The following PDE4D variants were observed in gnomAD, a reference collection of about 807,000 sequenced individuals.
The protein encoded by PDE4D is phosphodiesterase 4D.
PDE4D carries 24 observed loss-of-function variants against 87.4 expected under a neutral mutation model. The ratio of observed to expected loss-of-function variants is 0.27; its 90% confidence interval spans 0.20 to 0.39. The LOEUF (loss-of-function observed/expected upper bound fraction) is 0.39. Among genes scored for constraint, PDE4D ranks in the 10% least tolerant of loss-of-function variants. The pLI is 1.00. For missense variants in PDE4D, 714 were observed against 1,041.0 expected (o/e 0.69, Z 4.32); for synonymous variants, 384 against 383.2 (o/e 1.00, Z -0.02).
intron 1 of PDE4D, among the ~76,000 whole-genome samples, chr5:59,494,879 A>C (rs1271977334): frequency 6.6e-6 from 1 of 152,222 alleles, no homozygotes; most frequent in Non-Finnish European, 1.5e-5. Flanking sequence ...GAGTGTTGGA[A>C]TAAATGGATG....
intron 1 of PDE4D, among the ~76,000 whole-genome samples, chr5:60,210,924 G>A (rs16877765): frequency 0.023 from 3,524 of 152,244 alleles, 141 homozygotes; most frequent in African/African-American, 0.081. Flanking sequence ...TTTTATGGCA[G>A]GCCAGGCCAC....
At position 59,960,838 on chromosome 5, in the gene PDE4D, T is replaced by G. The variant is rs529190239; in HGVS notation, c.272+27650A>C. Among the ~76,000 whole-genome samples, 13 of 152,250 alleles carry G rather than the reference T, an allele frequency of 8.5e-5. No individual in the cohort carries two copies. The South Asian group carries it at 2.3e-3, about 27-fold the overall frequency. ...TATATCCATGTAACAAACCTGCACA[T>G]GTACCACCTGAATCTAAAATAAAAA... On this transcript the variant is annotated intron_variant, in intron 3 of 16. Coordinates refer to the PDE4D transcript ENST00000502484.
chr5:59,836,260 C>A (rs1004533827), intron 1 of PDE4D, among the ~76,000 whole-genome samples: 4 of 151,920 alleles, frequency 2.6e-5, no homozygotes, highest in African/African-American at 9.7e-5. Context: ...ATTTATGTAA[C>A]CATGTTTTAA....
At chr5:59,262,597 T>G (rs1762209413) in intron 1 of PDE4D, among the ~76,000 whole-genome samples, 1 of 151,902 alleles carries the variant, frequency 6.6e-6, no homozygotes, top group Non-Finnish European at 1.5e-5. Context: ...GGTCAATCCC[T>G]GTGTTAGGGC....
At position 59,000,592 on chromosome 5, in the gene PDE4D, G is replaced by A. The variant is rs149556624; in HGVS notation, c.922-7127C>T. Among the ~76,000 whole-genome samples the A allele has an allele frequency of 7.9e-3, 1,202 of 152,240 alleles. 22 individuals carry two copies. Among genetic ancestry groups the A allele is most frequent in the African/African-American group, 0.025 (1,052 of 41,552 alleles). The stretch of plus-strand genomic sequence containing the variant: ...TAGGGGTGGGACCACTTGCAATTCT[G>A]GGGGGAGGGAAATGTGAAAGCTAGG... On this transcript the variant is annotated intron_variant, in intron 6 of 14. Coordinates refer to ENST00000340635, the MANE Select transcript of PDE4D (RefSeq NM_001104631.2).
intron 5 of PDE4D, among the ~76,000 whole-genome samples, chr5:59,086,654 C>G (rs62356687): frequency 0.24 from 35,957 of 152,034 alleles, 4,829 homozygotes; most frequent in Middle Eastern, 0.36. Context: ...ACACCTCAAA[C>G]TTCATATTTC....
intron 1 of PDE4D, among the ~76,000 whole-genome samples, chr5:59,307,855 T>G (rs1000895861): frequency 6.6e-6 from 1 of 152,030 alleles, no homozygotes; most frequent in African/African-American, 2.4e-5. Flanking sequence ...GCCATCCCAT[T>G]ACCGGGTATA....
chr5:59,566,533 CATGTGT>C (rs751135554), intron 1 of PDE4D, among the ~76,000 whole-genome samples: 1,091 of 102,736 alleles, frequency 0.011, 13 homozygotes, highest in African/African-American at 0.036. Flanking sequence ...GTCACAGTTT[CATGTGT>C]GTGTGTGTGT....
At chr5:59,272,248 T>C (rs1763967732) in intron 1 of PDE4D, among the ~76,000 whole-genome samples, 1 of 152,056 alleles carries the variant, frequency 6.6e-6, no homozygotes, top group African/African-American at 2.4e-5. Context: ...TATATTTATA[T>C]TTGTAAGACT....
At chr5:59,783,839 G>A (rs1199374325) in intron 1 of PDE4D, among the ~76,000 whole-genome samples, 1 of 152,170 alleles carries the variant, frequency 6.6e-6, no homozygotes, top group African/African-American at 2.4e-5. Context: ...GGCCAAGGCA[G>A]GTGAATTGGT....
At chr5:59,383,946 T>C (rs1582281443) in intron 1 of PDE4D, among the ~76,000 whole-genome samples, 1 of 152,136 alleles carries the variant, frequency 6.6e-6, no homozygotes, top group East Asian at 1.9e-4. Flanking sequence ...GAAGAGCGAG[T>C]GGTGCAAACA....
At chr5:59,838,365 T>C (rs1423793470) in intron 1 of PDE4D, among the ~76,000 whole-genome samples, 2 of 152,066 alleles carry the variant, frequency 1.3e-5, no homozygotes, top group African/African-American at 4.8e-5. Context: ...CTGCCAAATT[T>C]CTTTCATATC....
intron 1 of PDE4D, among the ~76,000 whole-genome samples, chr5:59,836,976 C>G (rs987238264): frequency 1.3e-5 from 2 of 151,946 alleles, no homozygotes; most frequent in Non-Finnish European, 2.9e-5. Flanking sequence ...AGAGGTTCAT[C>G]TATCATAACG....
intron 1 of PDE4D, among the ~76,000 whole-genome samples, chr5:59,435,831 T>C (rs1434975007): frequency 1.3e-5 from 2 of 152,200 alleles, no homozygotes; most frequent in Non-Finnish European, 2.9e-5. Flanking sequence ...ACAACTGAAA[T>C]ACATTGGAAG....
chr5:60,172,627 T>C (rs972262010), intron 2 of PDE4D, among the ~76,000 whole-genome samples: 1 of 152,052 alleles, frequency 6.6e-6, no homozygotes, highest in Non-Finnish European at 1.5e-5. Flanking sequence ...AAAGAAAGGG[T>C]TGAGGGGAGA....
intron 2 of PDE4D, among the ~76,000 whole-genome samples, chr5:60,057,276 T>G (rs776417753): frequency 1.3e-5 from 2 of 152,072 alleles, no homozygotes; most frequent in Non-Finnish European, 2.9e-5. Context: ...TAATCACAGT[T>G]GTGAAATTTG....
rs138096081 is a variant in PDE4D at position 60,118,189 on chromosome 5, A to G, written c.42+67368T>C. 2.7e-3 allele frequency among the ~76,000 whole-genome samples: 409 copies of G among 152,204 alleles called. 2 individuals carry two copies. The highest frequency in any genetic ancestry group is 9.0e-3 in the African/African-American group (373 of 41,540). On this transcript the variant is annotated intron_variant, in intron 2 of 16. Transcript: ENST00000502484. ...AAACAAGTTTCTGTCATTAACTCTC[A>G]TAGTTTCTTACTTTAAGCAGTCCTA...
Position 60,223,953 on chromosome 5 carries a change from C to G in PDE4D, c.-89-38266G>C, listed in dbSNP as rs146521336. On this transcript the variant is annotated intron_variant, in intron 1 of 16. Coordinates refer to the PDE4D transcript ENST00000502484. The stretch of plus-strand genomic sequence containing the variant: ...GAAATGAAGGTTCCTCACCATCCCC[C>G]CTTTTTCCTGGGTAGTGTCTAAGAC... Among the ~76,000 whole-genome samples the G allele has an allele frequency of 8.9e-3, 1,356 of 152,208 alleles. 24 individuals carry two copies. The highest frequency in any genetic ancestry group is 0.032 in the African/African-American group (1,311 of 41,540).
At chr5:60,411,134 G>A (rs1224623642) in intron 1 of PDE4D, among the ~76,000 whole-genome samples, 1 of 152,078 alleles carries the variant, frequency 6.6e-6, no homozygotes, top group Non-Finnish European at 1.5e-5. Context: ...CAAGCAACTT[G>A]GTAAGTTCTA....
Sources: gnomAD v4.1 joint callset for allele counts (sites outside exome capture counted in the v4.1 genomes callset) on GRCh38, gnomAD v4.1.1 for gene constraint, MANE v1.5 for transcripts, NCBI Gene and HGNC (gene_info 2026-07-23, HGNC 2026-07-21) for gene names.